ROCK2: variants seen among roughly 807,000 people sequenced by gnomAD.
The protein encoded by ROCK2 is rho-associated protein kinase 2.
Under a neutral mutation model 195.1 loss-of-function variants are expected in ROCK2, and 61 were observed. The observed-to-expected ratio is 0.31, with a 90% confidence interval of 0.25 to 0.39. The LOEUF (loss-of-function observed/expected upper bound fraction) is 0.39, where lower values mean the gene tolerates loss of function less well. Among genes scored for constraint, ROCK2 ranks in the 10% least tolerant of loss-of-function variants. ROCK2 has a pLI of 1.00. For missense variants in ROCK2, 1,109 were observed against 1,637.4 expected (o/e 0.68, Z 5.57); for synonymous variants, 504 against 545.5 (o/e 0.92, Z 1.06).
chr2:11,273,422 T>C (rs1666717026), intron 3 of ROCK2, among the ~76,000 whole-genome samples: 1 of 152,100 alleles, frequency 6.6e-6, no homozygotes, highest in African/African-American at 2.4e-5. Flanking sequence ...ACATTATATC[T>C]TAATAAAAGT....
rs777261820 is a variant in ROCK2, at chr2:11,214,354, T to C, written c.2043+3A>G. On this transcript the variant is annotated splice_donor_region_variant and intron_variant, in intron 17 of 32. Transcript: ENST00000315872. ...TTATGCAAAAATATAAAACATGTTT[T>C]ACCTTTTCCAAATCAGTAAATCTCT... 8.7e-6 allele frequency: 13 copies of C among 1,497,060 alleles called. No individual in the cohort carries two copies. The highest frequency in any genetic ancestry group is 1.2e-5 in the Non-Finnish European group (13 of 1,086,220). 92.7% of individuals were successfully genotyped at this position (1,497,060 alleles called of 1,614,324 possible).
chr2:11,342,027 C>T (rs1669121823), intron 1 of ROCK2, among the ~76,000 whole-genome samples: 1 of 152,002 alleles, frequency 6.6e-6, no homozygotes. Flanking sequence ...AAAATCCATT[C>T]TAGTAGTTCA....
chr2:11,209,453 C>T (rs1304574661), intron 18 of ROCK2, among the ~76,000 whole-genome samples: 2 of 152,188 alleles, frequency 1.3e-5, no homozygotes, highest in African/African-American at 2.4e-5. Flanking sequence ...AGGAAACGCT[C>T]ACAATGTCTT....
At chr2:11,251,254 T>G (rs1259128670) in intron 3 of ROCK2, among the ~76,000 whole-genome samples, 3 of 152,248 alleles carry the variant, frequency 2.0e-5, no homozygotes, top group Non-Finnish European at 2.9e-5. Flanking sequence ...GTCAAGGATT[T>G]CTGTGTTTGG....
chr2:11,253,158 C>T (rs1665898666), intron 3 of ROCK2, among the ~76,000 whole-genome samples: 1 of 151,920 alleles, frequency 6.6e-6, no homozygotes, highest in Admixed American at 6.6e-5. Context: ...TATATAGTTA[C>T]CCTATTCAGC....
At chr2:11,225,987 G>T (rs1026069449) in intron 6 of ROCK2, among the ~76,000 whole-genome samples, 1 of 152,122 alleles carries the variant, frequency 6.6e-6, no homozygotes, top group African/African-American at 2.4e-5. Flanking sequence ...GCAATTTACC[G>T]AAAATTTCTG....
intron 3 of ROCK2, among the ~76,000 whole-genome samples, chr2:11,276,838 G>GT (rs1426467644): frequency 6.6e-6 from 1 of 152,176 alleles, no homozygotes; most frequent in Admixed American, 6.5e-5. Context: ...AATGATAGAC[G>GT]TAACAGGAGG....
At chr2:11,240,406 C>A (rs542317499) in intron 4 of ROCK2, among the ~76,000 whole-genome samples, 1 of 152,314 alleles carries the variant, frequency 6.6e-6, no homozygotes, top group East Asian at 1.9e-4. Context: ...TATTATAACA[C>A]ACCATACAAT....
chr2:11,203,629 T>C (rs1262350982), intron 20 of ROCK2, among the ~76,000 whole-genome samples: 1 of 152,212 alleles, frequency 6.6e-6, no homozygotes, highest in Non-Finnish European at 1.5e-5. Context: ...TTTATCCTCA[T>C]TCCCATTTAA....
chr2:11,200,150 A>C (rs1663800274), intron 23 of ROCK2, among the ~76,000 whole-genome samples: 4 of 152,134 alleles, frequency 2.6e-5, no homozygotes, highest in Admixed American at 2.0e-4. Flanking sequence ...AAATTCTTTA[A>C]TCTTATCTTA....
Position 11,224,459 on chromosome 2 carries a change from C to T in ROCK2, c.870G>A (p.Gly290=). 3.1e-6 allele frequency: 5 copies of T among 1,609,842 alleles called. No individual in the cohort carries two copies. The highest frequency in any genetic ancestry group is 4.2e-6 in the Non-Finnish European group (5 of 1,178,148). ...VGVFLYEMLV[G]DTPFYADSLV... ...GTGAATCCGCATAAAATGGAGTATC[C>T]CCTAAAATTTCAAGAAAGAAGATAC... Residue 290 remains glycine (G), a splice_region_variant and synonymous_variant, in exon 7 of 33, where the codon GGG becomes GGA. Transcript: ENST00000315872.
chr2:11,240,716 T>A (rs1665393663), intron 4 of ROCK2, among the ~76,000 whole-genome samples: 1 of 152,232 alleles, frequency 6.6e-6, no homozygotes, highest in Non-Finnish European at 1.5e-5. Flanking sequence ...ATAAATTTCC[T>A]AAAACTCACT....
chr2:11,306,748 T>C (rs1667870572), intron 1 of ROCK2, among the ~76,000 whole-genome samples: 1 of 152,242 alleles, frequency 6.6e-6, no homozygotes, highest in Non-Finnish European at 1.5e-5. Context: ...GATGAGCTAA[T>C]GTCCTTGCCC....
intron 12 of ROCK2, among the ~76,000 whole-genome samples, chr2:11,216,444 CA>C (rs1436820310): frequency 6.6e-6 from 1 of 151,796 alleles, no homozygotes; most frequent in Non-Finnish European, 1.5e-5. Context: ...CTTGGCCCCT[CA>C]AAGTGTTGGG....
intron 1 of ROCK2, among the ~76,000 whole-genome samples, chr2:11,305,041 A>T (rs951308752): frequency 7.6e-5 from 3 of 39,546 alleles, no homozygotes; most frequent in Admixed American, 3.0e-4. Flanking sequence ...TTGAGCTGGA[A>T]CTAGATTGTA....
chr2:11,237,345 T>C (rs1419169131), intron 4 of ROCK2, among the ~76,000 whole-genome samples: 1 of 151,532 alleles, frequency 6.6e-6, no homozygotes, highest in Non-Finnish European at 1.5e-5. Context: ...ACTGAAGGAG[T>C]AAGAGATGAA....
intron 3 of ROCK2, among the ~76,000 whole-genome samples, chr2:11,269,654 C>G (rs1395710968): frequency 6.6e-6 from 1 of 152,102 alleles, no homozygotes; most frequent in African/African-American, 2.4e-5. Flanking sequence ...AAGACATATT[C>G]TGCCGGTGTG....
At chr2:11,212,270 C>T (rs1664277337) in intron 17 of ROCK2, among the ~76,000 whole-genome samples, 3 of 151,990 alleles carry the variant, frequency 2.0e-5, no homozygotes, top group Admixed American at 6.6e-5. Context: ...CCCCTCCCGT[C>T]TTCACTCAAA....
chr2:11,343,335 G>T (rs143164059), intron 1 of ROCK2, among the ~76,000 whole-genome samples: 7 of 152,280 alleles, frequency 4.6e-5, no homozygotes, highest in African/African-American at 1.2e-4. Flanking sequence ...GATTTCAAAG[G>T]TCGTTATAGG....
Sources: gnomAD v4.1 joint callset for allele counts (sites outside exome capture counted in the v4.1 genomes callset) on GRCh38, gnomAD v4.1.1 for gene constraint, MANE v1.5 for transcripts, NCBI Gene and HGNC (gene_info 2026-07-23, HGNC 2026-07-21) for gene names.